C19orf47: variants seen among roughly 807,000 people sequenced by gnomAD.
The protein encoded by C19orf47 is chromosome 19 open reading frame 47.
A neutral mutation model predicts 32.3 loss-of-function variants in C19orf47; 18 were observed. The ratio of observed to expected loss-of-function variants is 0.56; its 90% CI spans 0.39 to 0.83. The LOEUF (loss-of-function observed/expected upper bound fraction) is 0.83, where lower values mean the gene tolerates loss of function less well. C19orf47 is among the 40% of genes least tolerant of loss of function. The pLI is 0.00. For synonymous variants in C19orf47, 202 were observed against 211.1 expected (o/e 0.96, Z 0.37); for missense variants, 484 against 531.6 (o/e 0.91, Z 0.88).
intron 2 of C19orf47, among the ~76,000 whole-genome samples, chr19:40,338,349 ACAC>A (rs1370011751): frequency 8.6e-6 from 1 of 116,626 alleles, no homozygotes; most frequent in East Asian, 2.1e-4. Context: ...ATATATATAT[ACAC>A]ACACACACAC....
the C19orf47 span, among the ~76,000 whole-genome samples, chr19:40,305,140 C>T: frequency 6.6e-6 from 1 of 152,040 alleles, no homozygotes; most frequent in African/African-American, 2.4e-5. Context: ...ATCAGGAGTT[C>T]GACACCAGCC....
chr19:40,298,779 T>C, the C19orf47 span, among the ~76,000 whole-genome samples: 1 of 152,030 alleles, frequency 6.6e-6, no homozygotes, highest in African/African-American at 2.4e-5. Context: ...GGGGTTTTGT[T>C]GAGGAAAAAT....
the C19orf47 span, among the ~76,000 whole-genome samples, chr19:40,299,312 T>C: frequency 2.0e-5 from 3 of 152,266 alleles, no homozygotes; most frequent in South Asian, 2.1e-4. Context: ...ACTTAAATCA[T>C]AAAATATTAA....
chr19:40,299,754 G>A, the C19orf47 span, among the ~76,000 whole-genome samples: 1 of 152,164 alleles, frequency 6.6e-6, no homozygotes, highest in Non-Finnish European at 1.5e-5. Context: ...AGCCAGGCAC[G>A]GTGGCTCACG....
intron 7 of C19orf47, chr19:40,324,628 G>C (rs995066330): frequency 6.5e-6 from 1 of 154,666 alleles, no homozygotes; most frequent in African/African-American, 2.4e-5. Flanking sequence ...GCTGAGGCAG[G>C]TGGATCACCT....
chr19:40,335,223 T>G (rs1247078664), intron 4 of C19orf47, among the ~76,000 whole-genome samples: 1 of 152,082 alleles, frequency 6.6e-6, no homozygotes, highest in African/African-American at 2.4e-5. Flanking sequence ...CAGGGCTGTG[T>G]GAGAAGCCCA....
the C19orf47 span, among the ~76,000 whole-genome samples, chr19:40,293,412 C>T: frequency 6.6e-6 from 1 of 151,950 alleles, no homozygotes; most frequent in African/African-American, 2.4e-5. Flanking sequence ...TCCCAAAGTG[C>T]TGGGATTACA....
At chr19:40,337,480 A>G (rs1416350702) in intron 2 of C19orf47, among the ~76,000 whole-genome samples, 1 of 151,900 alleles carries the variant, frequency 6.6e-6, no homozygotes, top group Non-Finnish European at 1.5e-5. Flanking sequence ...AAGATCACTG[A>G]TTCGAAGTAG....
chr19:40,340,979 A>AC (rs2078166311), intron 2 of C19orf47, among the ~76,000 whole-genome samples: 1 of 150,174 alleles, frequency 6.7e-6, no homozygotes, highest in Non-Finnish European at 1.5e-5. Flanking sequence ...CTGTCTCAAA[A>AC]AAAAAAAAAA....
chr19:40,348,304 A>C lies in C19orf47; in HGVS notation c.-34+20T>G, dbSNP rs2078370863. ...CTACCGCAACCGGCCCAGTCCCACC[A>C]CCCCCGGCCCGCGCCTCACCTGGCC... is the stretch of plus-strand genomic sequence containing the variant. On this transcript the variant is annotated intron_variant, in intron 1 of 8. Transcript: ENST00000683109. 5 of 1,300,934 alleles carry C rather than the reference A, an allele frequency of 3.8e-6. No homozygotes were observed. Among genetic ancestry groups the C allele is most frequent in the African/African-American group, 1.6e-5 (1 of 61,852 alleles). The allele number at this position is 1,300,934 out of a possible 1,614,324, so 80.6% of individuals were successfully genotyped here.
chr19:40,302,181 C>A, the C19orf47 span, among the ~76,000 whole-genome samples: 2 of 152,144 alleles, frequency 1.3e-5, no homozygotes, highest in Non-Finnish European at 2.9e-5. Flanking sequence ...AAAAAAGAAT[C>A]TTTACAATCA....
chr19:40,323,110 T>G (rs1245304551), intron 8 of C19orf47, among the ~76,000 whole-genome samples: 1 of 152,222 alleles, frequency 6.6e-6, no homozygotes, highest in African/African-American at 2.4e-5. Flanking sequence ...CAGCTCTTCA[T>G]AGGGCTGGAA....
chr19:40,339,642 G>A (rs1167416259), intron 2 of C19orf47, among the ~76,000 whole-genome samples: 6 of 152,140 alleles, frequency 3.9e-5, no homozygotes, highest in Non-Finnish European at 8.8e-5. Flanking sequence ...AAAGTCTATA[G>A]AATAGGAATG....
downstream of C19orf47, chr19:40,319,416 C>T (rs1254209088): frequency 6.5e-6 from 1 of 153,600 alleles, no homozygotes; most frequent in Non-Finnish European, 1.5e-5. Flanking sequence ...CTCCTCCAAC[C>T]CCCTGACCTC....
At chr19:40,306,150 T>TC in the C19orf47 span, among the ~76,000 whole-genome samples, 2 of 57,270 alleles carry the variant, frequency 3.5e-5, no homozygotes, top group African/African-American at 1.7e-4. Flanking sequence ...AAACTCTGTC[T>TC]CAAAAAAAAA....
chr19:40,333,916 G>A lies in C19orf47; in HGVS notation c.236C>T (p.Ala79Val). The A allele has an allele frequency of 6.4e-7, 1 of 1,570,430 alleles. No individual in the cohort carries two copies. Among genetic ancestry groups the A allele is most frequent in the African/African-American group, 1.3e-5 (1 of 74,306 alleles). Residue 79 changes from alanine to valine, a missense_variant, in exon 5 of 9, where the codon GCT becomes GTT. Ala to Val is a moderately conservative substitution (Grantham distance 64). This residue lies in a region of C19orf47 where 376 missense variants were observed against 370.2 expected (regional missense o/e 1.02). Coordinates refer to ENST00000683109, the MANE Select transcript of C19orf47 (RefSeq NM_001256441.2). ...KVVHRQDMCK[A>V]ATESVPCSPS... ...GCTGCAGGGTACTGACTCAGTGGCAGCTTTGCACATGTCCTGTGAAAAAAG... is the reference window on the plus strand; with the variant it reads ...GCTGCAGGGTACTGACTCAGTGGCAACTTTGCACATGTCCTGTGAAAAAAG...
intron 2 of C19orf47, among the ~76,000 whole-genome samples, chr19:40,339,563 T>C (rs1033425568): frequency 2.6e-5 from 4 of 152,134 alleles, no homozygotes; most frequent in Non-Finnish European, 5.9e-5. Context: ...CCTTAGACAT[T>C]ATGTTGAGCA....
At chr19:40,339,088 G>C (rs1016052963) in intron 2 of C19orf47, 5 of 152,930 alleles carry the variant, frequency 3.3e-5, no homozygotes, top group African/African-American at 1.2e-4. Flanking sequence ...GCAGTAGGAA[G>C]GGAGAAGGAA....
chr19:40,336,102 G>T lies in C19orf47; in HGVS notation c.222+8C>A. 1 of 1,612,782 alleles carries T rather than the reference G, an allele frequency of 6.2e-7. No homozygotes were observed. Reference sequence around the variant, plus strand: ...CCCAGAGACAGAGGGGCTGGGCACAGCACCCACCTGACGGTGCACCACTTT... The same window carrying T: ...CCCAGAGACAGAGGGGCTGGGCACATCACCCACCTGACGGTGCACCACTTT... On this transcript the variant is annotated splice_region_variant and intron_variant, in intron 4 of 8. Coordinates refer to ENST00000683109, the MANE Select transcript of C19orf47 (RefSeq NM_001256441.2).
Sources: allele counts gnomAD v4.1 joint callset (sites outside exome capture counted in the v4.1 genomes callset), GRCh38; gene constraint gnomAD v4.1.1; regional missense constraint gnomAD v4.1.1; transcripts MANE v1.5; gene names NCBI Gene and HGNC (gene_info 2026-07-23, HGNC 2026-07-21).